The following TEAD1 variants were observed in gnomAD, a reference collection of about 807,000 sequenced individuals.
TEAD1 encodes the protein TEA domain transcription factor 1.
TEAD1 carries 9 observed loss-of-function variants against 54.9 expected under a neutral mutation model. The ratio of observed to expected loss-of-function variants is 0.16; its 90% CI spans 0.10 to 0.29. TEAD1 has a LOEUF of 0.29. Among genes scored for constraint, TEAD1 ranks in the 10% least tolerant of loss-of-function variants. The probability of loss-of-function intolerance (pLI) is 1.00; values close to 1 mark genes in which losing one functional copy is unlikely to be tolerated. For missense variants in TEAD1, 387 were observed against 535.9 expected, an observed-to-expected ratio of 0.72 and a Z score of 2.74; for synonymous variants, 200 against 187.8, an observed-to-expected ratio of 1.07 and a Z score of -0.53.
At chr11:12,918,292 T>G (rs961215029) in intron 10 of TEAD1, among the ~76,000 whole-genome samples, 1 of 151,076 alleles carries the variant, frequency 6.6e-6, no homozygotes, top group African/African-American at 2.4e-5. Context: ...GCCATAACAC[T>G]ATCAGCTGAC....
At chr11:12,676,625 C>G (rs1249822564) in intron 2 of TEAD1, among the ~76,000 whole-genome samples, 1 of 152,156 alleles carries the variant, frequency 6.6e-6, no homozygotes, top group Non-Finnish European at 1.5e-5. Flanking sequence ...AATAGTAGAA[C>G]TAATTACAAA....
At chr11:12,850,561 T>C (rs1021256586) in intron 3 of TEAD1, among the ~76,000 whole-genome samples, 45 of 152,174 alleles carry the variant, frequency 3.0e-4, no homozygotes, top group African/African-American at 9.9e-4. Context: ...GGTAAGGAAA[T>C]AGAGGTCTAG....
chr11:12,678,810 C>T (rs915500397), intron 2 of TEAD1, among the ~76,000 whole-genome samples: 7 of 152,152 alleles, frequency 4.6e-5, no homozygotes, highest in East Asian at 1.9e-4. Flanking sequence ...TTATGAGCTT[C>T]GTGGTCCATA....
At chr11:12,742,948 G>A (rs984632439) in intron 2 of TEAD1, among the ~76,000 whole-genome samples, 6 of 152,200 alleles carry the variant, frequency 3.9e-5, no homozygotes, top group African/African-American at 1.4e-4. Flanking sequence ...ATGTGGGAGG[G>A]TATTGTCTTT....
At chr11:12,745,796 A>C (rs1944735652) in intron 2 of TEAD1, among the ~76,000 whole-genome samples, 1 of 151,270 alleles carries the variant, frequency 6.6e-6, no homozygotes, top group African/African-American at 2.4e-5. Context: ...TTTTTTGTCC[A>C]TCTACCTTTC....
chr11:12,935,441 ATTATTTATTTAT>A lies in TEAD1; in HGVS notation c.1168-1645_1168-1634del, dbSNP rs372268851. Among the ~76,000 whole-genome samples the A allele has an allele frequency of 3.2e-3, 483 of 149,656 alleles. 2 individuals carry two copies. Among genetic ancestry groups the A allele is most frequent in the African/African-American group, 0.011 (432 of 39,780 alleles). On this transcript the variant is annotated intron_variant, in intron 12 of 12. Transcript: ENST00000527636. ...GATGTGAATTTTCATTCATTCAGCA[ATTATTTATTTAT>A]TTATTTATTTATTTATTTATTTTTG...
chr11:12,750,497 C>A (rs1302898879), intron 2 of TEAD1, among the ~76,000 whole-genome samples: 1 of 152,160 alleles, frequency 6.6e-6, no homozygotes, highest in African/African-American at 2.4e-5. Context: ...TTTAAAAGTT[C>A]AGATTCCAGA....
At chr11:12,712,517 A>G (rs1943961893) in intron 2 of TEAD1, among the ~76,000 whole-genome samples, 1 of 152,212 alleles carries the variant, frequency 6.6e-6, no homozygotes, top group African/African-American at 2.4e-5. Flanking sequence ...TAAAATGGAA[A>G]TGATAGTGTA....
intron 11 of TEAD1, among the ~76,000 whole-genome samples, chr11:12,927,800 C>A (rs568536605): frequency 6.6e-6 from 1 of 151,856 alleles, no homozygotes; most frequent in Non-Finnish European, 1.5e-5. Flanking sequence ...TTTCTAGATT[C>A]GAATTAATAG....
intron 3 of TEAD1, among the ~76,000 whole-genome samples, chr11:12,766,423 C>T (rs1590129073): frequency 6.6e-6 from 1 of 152,168 alleles, no homozygotes; most frequent in East Asian, 1.9e-4. Context: ...CAAAGAGAAG[C>T]TTTGGATGTG....
chr11:12,852,337 G>A (rs1272203129), intron 3 of TEAD1, among the ~76,000 whole-genome samples: 1 of 152,164 alleles, frequency 6.6e-6, no homozygotes, highest in African/African-American at 2.4e-5. Flanking sequence ...ACAAATGCCT[G>A]CAAGATGAGT....
intron 3 of TEAD1, among the ~76,000 whole-genome samples, chr11:12,819,609 C>T (rs759780244): frequency 6.6e-6 from 1 of 151,916 alleles, no homozygotes; most frequent in African/African-American, 2.4e-5. Flanking sequence ...CCACCAAGCC[C>T]GGCTAATTTT....
At chr11:12,834,776 T>TTTC (rs1215124286) in intron 3 of TEAD1, among the ~76,000 whole-genome samples, 40 of 151,622 alleles carry the variant, frequency 2.6e-4, no homozygotes, top group Admixed American at 2.6e-3. Context: ...TTTTTTTTTT[T>TTTC]TTCTTAATTT....
chr11:12,694,284 G>C (rs1033389613), intron 2 of TEAD1, among the ~76,000 whole-genome samples: 2 of 149,722 alleles, frequency 1.3e-5, no homozygotes, highest in Non-Finnish European at 2.9e-5. Context: ...AGAGAAAGGA[G>C]AGAAAAAAGA....
At position 12,819,412 on chromosome 11, in the gene TEAD1, T is replaced by TTG. The variant is rs1946486323; in HGVS notation, c.203-42836_203-42835dup. On this transcript the variant is annotated intron_variant, in intron 3 of 12. Transcript: ENST00000527636. ...AACAGTCCATTTATGCCTTATGCAC[T>TTG]TGTATGTGTGTGTGTGTTGTGTTTC... Among the ~76,000 whole-genome samples, 12 of 151,248 alleles carry TTG rather than the reference T, an allele frequency of 7.9e-5. No homozygotes were observed. In the South Asian group the frequency reaches 2.4e-3, roughly 30 times the overall value.
At chr11:12,767,279 C>A (rs1468024223) in intron 3 of TEAD1, among the ~76,000 whole-genome samples, 1 of 152,178 alleles carries the variant, frequency 6.6e-6, no homozygotes, top group Non-Finnish European at 1.5e-5. Context: ...GGACACAAAC[C>A]AGACCAGGAG....
At chr11:12,859,425 G>A (rs574155925) in intron 3 of TEAD1, among the ~76,000 whole-genome samples, 29 of 152,262 alleles carry the variant, frequency 1.9e-4, no homozygotes, top group Non-Finnish European at 3.4e-4. Context: ...GCACAGTGAG[G>A]CCCCAGGTTG....
chr11:12,718,155 T>TAAAGAGACAA (rs751868594), intron 2 of TEAD1, among the ~76,000 whole-genome samples: 2 of 152,196 alleles, frequency 1.3e-5, no homozygotes, highest in Non-Finnish European at 2.9e-5. Flanking sequence ...CACCATGTCA[T>TAAAGAGACAA]ACAGAGACAT....
chr11:12,696,609 C>G (rs1943589546), intron 2 of TEAD1, among the ~76,000 whole-genome samples: 1 of 152,122 alleles, frequency 6.6e-6, no homozygotes, highest in Non-Finnish European at 1.5e-5. Flanking sequence ...AGATGGACGC[C>G]TTGGCCTTAT....
Sources: gnomAD v4.1 joint callset for allele counts (sites outside exome capture counted in the v4.1 genomes callset) on GRCh38, gnomAD v4.1.1 for gene constraint, MANE v1.5 for transcripts, NCBI Gene and HGNC (gene_info 2026-07-23, HGNC 2026-07-21) for gene names.